CACNB2: variants seen among roughly 807,000 people sequenced by gnomAD.
CACNB2 encodes the protein calcium voltage-gated channel auxiliary subunit beta 2, also known as voltage-dependent L-type calcium channel subunit beta-2.
In CACNB2, 42 loss-of-function variants were observed where a neutral mutation model predicts 73.3. The ratio of observed to expected loss-of-function variants is 0.57; its 90% confidence interval spans 0.45 to 0.74. The LOEUF is 0.74. Among genes scored for constraint, CACNB2 ranks in the 30% least tolerant of loss-of-function variants. The pLI is 0.00. For missense variants in CACNB2, 940 were observed against 853.0 expected (o/e 1.10, Z -1.27); for synonymous variants, 348 against 310.3 (o/e 1.12, Z -1.28).
In CACNB2 at chr10:18,417,039, A is replaced by G. The variant is rs183808952; in HGVS notation, c.333+14996A>G. Among the ~76,000 whole-genome samples, 16 of 152,134 alleles carry G rather than the reference A, an allele frequency of 1.1e-4. No homozygotes were observed. The East Asian group carries it at 3.1e-3, about 29-fold the overall frequency. On this transcript the variant is annotated intron_variant, in intron 3 of 13. Coordinates refer to ENST00000324631, the MANE Select transcript of CACNB2 (RefSeq NM_201596.3). ...ATGAAAGCAGAAAGTGCATTAAAAAAAAAAAGACACCAGCTGAGAATGCAT... is the reference window on the plus strand; with the variant it reads ...ATGAAAGCAGAAAGTGCATTAAAAAGAAAAAGACACCAGCTGAGAATGCAT...
At chr10:18,484,669 G>A (rs1018267624) in intron 3 of CACNB2, among the ~76,000 whole-genome samples, 5 of 152,036 alleles carry the variant, frequency 3.3e-5, no homozygotes, top group African/African-American at 1.2e-4. Context: ...CCCTCACTGG[G>A]GTCTCAGGAT....
At chr10:18,529,932 G>T (rs781164479) in intron 10 of CACNB2, among the ~76,000 whole-genome samples, 29 of 152,312 alleles carry the variant, frequency 1.9e-4, no homozygotes, top group Non-Finnish European at 3.4e-4. Context: ...AGTTCCACAT[G>T]GCTAGTGAGG....
chr10:18,443,875 T>A (rs1438506586), intron 3 of CACNB2, among the ~76,000 whole-genome samples: 1 of 151,964 alleles, frequency 6.6e-6, no homozygotes, highest in Non-Finnish European at 1.5e-5. Flanking sequence ...CCGCCACACC[T>A]AGCTAATTTT....
intron 2 of CACNB2, among the ~76,000 whole-genome samples, chr10:18,308,717 C>T (rs1381699424): frequency 1.3e-5 from 2 of 152,136 alleles, no homozygotes; most frequent in African/African-American, 4.8e-5. Flanking sequence ...CCAAAAACAA[C>T]CCCAAGTGTG....
intron 3 of CACNB2, among the ~76,000 whole-genome samples, chr10:18,417,212 T>C (rs1166013871): frequency 6.6e-6 from 1 of 151,588 alleles, no homozygotes; most frequent in Admixed American, 6.6e-5. Context: ...TTTTTTTTGC[T>C]GTTGAGTCTG....
chr10:18,228,648 C>T (rs2036108856), intron 2 of CACNB2, among the ~76,000 whole-genome samples: 1 of 152,034 alleles, frequency 6.6e-6, no homozygotes, highest in Non-Finnish European at 1.5e-5. Context: ...GTTGGAAGAA[C>T]ACATGGGACA....
Position 18,518,984 on chromosome 10 carries a change from T to C in CACNB2, c.944+16T>C, listed in dbSNP as rs367602928. The C allele has an allele frequency of 6.2e-7, 1 of 1,612,438 alleles. No individual in the cohort carries two copies. The highest frequency in any genetic ancestry group is 8.5e-7 in the Non-Finnish European group (1 of 1,178,620). On this transcript the variant is annotated intron_variant, in intron 9 of 13. Transcript: ENST00000324631. Reference sequence around the variant, plus strand: ...TTGAAGGGCGGTGAGTATTTCAGCATACTGGGTTTTGTGGATTTTGTCTTA... The same window carrying C: ...TTGAAGGGCGGTGAGTATTTCAGCACACTGGGTTTTGTGGATTTTGTCTTA...
chr10:18,182,285 A>G (rs551545822), intron 2 of CACNB2, among the ~76,000 whole-genome samples: 3 of 152,016 alleles, frequency 2.0e-5, no homozygotes, highest in Admixed American at 6.6e-5. Context: ...AGATTGCACC[A>G]TTGTACTCCA....
rs1192213230 is a variant in CACNB2 at position 18,500,863 on chromosome 10, A to T, written c.508A>T (p.Ile170Phe). The T allele has an allele frequency of 6.2e-7, 1 of 1,613,808 alleles. No individual in the cohort carries two copies. Among genetic ancestry groups the T allele is most frequent in the African/African-American group, 1.3e-5 (1 of 74,930 alleles). The stretch of plus-strand genomic sequence containing the variant: ...GCGATTGGTAAAAGAAGGCTGTGAA[A>T]TCGGATTCATTCCAAGCCCAGTCAA... Reference protein sequence around the residue: ...IGRLVKEGCEIGFIPSPVKLE... With the variant: ...IGRLVKEGCEFGFIPSPVKLE... The change falls in exon 5 of 14, where the codon ATC (isoleucine) becomes TTC (phenylalanine). Residue 170 changes from isoleucine (I) to phenylalanine (F), a missense_variant. Coordinates refer to ENST00000324631, the MANE Select transcript of CACNB2 (RefSeq NM_201596.3).
At chr10:18,313,704 G>A (rs534314690) in intron 2 of CACNB2, among the ~76,000 whole-genome samples, 2 of 152,284 alleles carry the variant, frequency 1.3e-5, no homozygotes, top group African/African-American at 2.4e-5. Flanking sequence ...CTCCACTAAA[G>A]CCATAAAGCC....
chr10:18,421,087 T>A (rs1451596466), intron 3 of CACNB2, among the ~76,000 whole-genome samples: 1 of 152,196 alleles, frequency 6.6e-6, no homozygotes, highest in African/African-American at 2.4e-5. Flanking sequence ...TTCATATGTA[T>A]GTAAAATATC....
intron 3 of CACNB2, among the ~76,000 whole-genome samples, chr10:18,414,035 G>C (rs1480731797): frequency 6.6e-6 from 1 of 152,252 alleles, no homozygotes. Context: ...TTAGTTGTTT[G>C]TCACTTGTTG....
rs996083193 is a variant in CACNB2 at position 18,337,903 on chromosome 10, C to T, written c.214-64021C>T. ...CAGTGAAATGAAACTGGATCGTTAT[C>T]TTATACCATGAACAAAATCAACTCA... On this transcript the variant is annotated intron_variant, in intron 2 of 13. Coordinates refer to ENST00000324631, the MANE Select transcript of CACNB2 (RefSeq NM_201596.3). 2.0e-5 allele frequency among the ~76,000 whole-genome samples: 3 copies of T among 152,098 alleles called. No individual in the cohort carries two copies. In the South Asian group the frequency reaches 6.2e-4, roughly 32 times the overall value.
intron 2 of CACNB2, among the ~76,000 whole-genome samples, chr10:18,264,989 C>A (rs1273393029): frequency 6.6e-6 from 1 of 152,084 alleles, no homozygotes; most frequent in African/African-American, 2.4e-5. Flanking sequence ...ATGTTCACTC[C>A]CACCTGTGTG....
chr10:18,432,450 C>CTCTCTCTGTGTGTG (rs1411132620), intron 3 of CACNB2, among the ~76,000 whole-genome samples: 28 of 150,628 alleles, frequency 1.9e-4, no homozygotes, highest in African/African-American at 6.6e-4. Context: ...GTGTGTGTCT[C>CTCTCTCTGTGTGTG]TGTGTGTGTG....
intron 3 of CACNB2, among the ~76,000 whole-genome samples, chr10:18,461,034 A>G (rs1045055771): frequency 1.3e-5 from 2 of 151,944 alleles, no homozygotes; most frequent in Non-Finnish European, 2.9e-5. Context: ...GGTTCAAGCT[A>G]TTCTCCTGCC....
At chr10:18,404,900 T>G (rs369240924) in intron 3 of CACNB2, among the ~76,000 whole-genome samples, 2 of 152,208 alleles carry the variant, frequency 1.3e-5, no homozygotes, top group Non-Finnish European at 2.9e-5. Flanking sequence ...GTGAACAGAT[T>G]AGATGTTAAT....
In CACNB2 at chr10:18,159,242, T is replaced by TACTCTATG. The variant is rs949732229; in HGVS notation, c.213+8268_213+8275dup. Among the ~76,000 whole-genome samples the TACTCTATG allele has an allele frequency of 8.5e-4, 130 of 152,336 alleles. 1 individual carries two copies. The highest frequency in any genetic ancestry group is 2.9e-3 in the African/African-American group (120 of 41,576). On this transcript the variant is annotated intron_variant, in intron 2 of 13. Coordinates refer to ENST00000324631, the MANE Select transcript of CACNB2 (RefSeq NM_201596.3). ...AAAGTACATTGTCATCTGAGCTTTC[T>TACTCTATG]ACTCTATGCTCCTGCCGCGTATAGC...
At chr10:18,255,268 C>T (rs542160511) in intron 2 of CACNB2, among the ~76,000 whole-genome samples, 38 of 152,298 alleles carry the variant, frequency 2.5e-4, no homozygotes, top group Non-Finnish European at 4.4e-4. Context: ...TCTCCAACTG[C>T]TTAAGCTGGG....
Sources: gnomAD v4.1 joint callset for allele counts (sites outside exome capture counted in the v4.1 genomes callset) on GRCh38, gnomAD v4.1.1 for gene constraint, MANE v1.5 for transcripts, NCBI Gene and HGNC (gene_info 2026-07-23, HGNC 2026-07-21) for gene names.